CTBP2: variants seen among roughly 807,000 people sequenced by gnomAD.
CTBP2 encodes C-terminal binding protein 2.
A neutral mutation model predicts 80.3 loss-of-function variants in CTBP2; 30 were observed. The ratio of observed to expected loss-of-function variants is 0.37; its 90% CI spans 0.28 to 0.51. The LOEUF is 0.51. Among genes scored for constraint, CTBP2 ranks in the 20% least tolerant of loss-of-function variants. The pLI is 0.93. For synonymous variants in CTBP2, 594 were observed against 587.4 expected (o/e 1.01, Z -0.16); for missense variants, 1,212 against 1,375.3 (o/e 0.88, Z 1.88).
intron 1 of CTBP2, among the ~76,000 whole-genome samples, chr10:125,150,939 C>T (rs535764825): frequency 6.6e-6 from 1 of 150,534 alleles, no homozygotes; most frequent in Non-Finnish European, 1.5e-5. Context: ...CAGACACCTG[C>T]CTTGAGATCG....
chr10:125,110,400 C>A (rs1265989394), intron 2 of CTBP2, among the ~76,000 whole-genome samples: 9 of 152,220 alleles, frequency 5.9e-5, no homozygotes, highest in African/African-American at 2.2e-4. Flanking sequence ...CAGGATTGAA[C>A]TCCATCCATC....
At chr10:125,147,661 G>A (rs999553509) in intron 1 of CTBP2, among the ~76,000 whole-genome samples, 2 of 151,186 alleles carry the variant, frequency 1.3e-5, no homozygotes. Flanking sequence ...CTTTTGGGAG[G>A]CCAAGGAGGG....
intron 2 of CTBP2, among the ~76,000 whole-genome samples, chr10:125,062,408 C>CT (rs1348647640): frequency 6.6e-6 from 1 of 151,874 alleles, no homozygotes; most frequent in Non-Finnish European, 1.5e-5. Flanking sequence ...AGGACATCTG[C>CT]TTTTTTAAGT....
At chr10:125,047,756 G>A (rs1961631540) in intron 2 of CTBP2, among the ~76,000 whole-genome samples, 1 of 152,162 alleles carries the variant, frequency 6.6e-6, no homozygotes, top group Non-Finnish European at 1.5e-5. Context: ...ATGAGATAAT[G>A]TTAAACATTG....
chr10:125,002,934 G>A, intron 3 of CTBP2, 26 bp downstream of exon 5: 1 of 1,610,612 alleles, frequency 6.2e-7, no homozygotes. Context: ...GACAACTCCA[G>A]GCAGCCAGCG....
chr10:125,034,461 T>A (rs1392725483), intron 3 of CTBP2, among the ~76,000 whole-genome samples: 1 of 152,276 alleles, frequency 6.6e-6, no homozygotes, highest in African/African-American at 2.4e-5. Flanking sequence ...TCTAGTTGAC[T>A]ATTGTATATT....
At chr10:125,038,910 T>TGGCACAGCCAACTCAAGGGAGC in intron 3 of CTBP2, 87 bp downstream of exon 3, 1 of 1,319,212 alleles carries the variant, frequency 7.6e-7, no homozygotes, top group Non-Finnish European at 1.1e-6. Flanking sequence ...GCTTGGGGAG[T>TGGCACAGCCAACTCAAGGGAGC]GGCACAGCCA....
intron 2 of CTBP2, among the ~76,000 whole-genome samples, chr10:125,056,173 A>AAT (rs1257665597): frequency 3.5e-4 from 52 of 149,376 alleles, no homozygotes; most frequent in Non-Finnish European, 6.4e-4. Context: ...TCAAAAATAA[A>AAT]AATAATAATA....
chr10:125,025,270 CTA>C (rs1304601990), intron 1 of CTBP2, among the ~76,000 whole-genome samples: 10 of 152,184 alleles, frequency 6.6e-5, no homozygotes, highest in Non-Finnish European at 1.3e-4. Flanking sequence ...GGTCAAGACT[CTA>C]GAGTTAAAAT....
chr10:124,987,601 C>G lies in CTBP2; in HGVS notation c.*1917G>C, dbSNP rs1449105779. ...AGACGTTAAACTACCTTTTTGTTCC[C>G]TGGGGTAATAGGTCAGTAACTATGA... On this transcript the variant is annotated 3_prime_UTR_variant, in exon 9 of 9. Coordinates refer to ENST00000309035, the MANE Select transcript of CTBP2 (RefSeq NM_022802.3). The G allele has an allele frequency of 6.6e-6, 1 of 152,032 alleles. No homozygotes were observed. The highest frequency in any genetic ancestry group is 2.4e-5 in the African/African-American group (1 of 41,388). 9.4% of individuals were successfully genotyped at this position (152,032 alleles called of 1,614,324 possible).
chr10:125,042,821 G>A (rs1554883554), intron 2 of CTBP2, among the ~76,000 whole-genome samples: 2 of 152,208 alleles, frequency 1.3e-5, no homozygotes, highest in Non-Finnish European at 2.9e-5. Flanking sequence ...AAACCTCAGT[G>A]AAGGTCAAGG....
At chr10:125,110,454 AC>A (rs1852116803) in intron 2 of CTBP2, among the ~76,000 whole-genome samples, 1 of 152,160 alleles carries the variant, frequency 6.6e-6, no homozygotes, top group Admixed American at 6.5e-5. Flanking sequence ...GCCTGCACCC[AC>A]ATTCCCAATC....
chr10:124,993,432 T>C lies in CTBP2; in HGVS notation c.2532-103A>G, dbSNP rs878889309. 8 of 1,258,506 alleles carry C rather than the reference T, an allele frequency of 6.4e-6. No homozygotes were observed. The South Asian group carries it at 6.6e-5, about 10-fold the overall frequency. The allele number at this position is 1,258,506 out of a possible 1,614,324, so 78.0% of individuals were successfully genotyped here. A position where few individuals can be genotyped will look rare whatever the true frequency, so the allele number is the denominator to read the frequency against. On this transcript the variant is annotated intron_variant, in intron 6 of 8. Transcript: ENST00000309035. ...TTGGCCATGTAGAAAAGTAGCTACATAGATAGCATGGATACAGGAACATCT... is the reference window on the plus strand; with the variant it reads ...TTGGCCATGTAGAAAAGTAGCTACACAGATAGCATGGATACAGGAACATCT...
intron 1 of CTBP2, among the ~76,000 whole-genome samples, chr10:125,147,135 G>A (rs974732755): frequency 3.3e-5 from 5 of 152,204 alleles, no homozygotes; most frequent in African/African-American, 1.2e-4. Flanking sequence ...TGATGATGAC[G>A]TGTGCACAGA....
At chr10:125,011,245 T>C (rs1955859469) in intron 1 of CTBP2, among the ~76,000 whole-genome samples, 1 of 152,214 alleles carries the variant, frequency 6.6e-6, no homozygotes, top group African/African-American at 2.4e-5. Context: ...CAAAGTCAGC[T>C]GGAGGTTTGG....
intron 1 of CTBP2, among the ~76,000 whole-genome samples, chr10:125,146,447 AT>A (rs1210651836): frequency 3.4e-5 from 4 of 117,714 alleles, no homozygotes; most frequent in Non-Finnish European, 5.0e-5. Flanking sequence ...CGCATGGCTA[AT>A]TTTTTGTATT....
At chr10:124,994,927 T>C (rs2134136110) in intron 4 of CTBP2, among the ~76,000 whole-genome samples, 1 of 152,378 alleles carries the variant, frequency 6.6e-6, no homozygotes, top group African/African-American at 2.4e-5. Flanking sequence ...GCAGGATTTT[T>C]GTTAAAAACA....
chr10:125,152,600 A>C (rs1276005056), intron 1 of CTBP2, among the ~76,000 whole-genome samples: 1 of 152,016 alleles, frequency 6.6e-6, no homozygotes, highest in Non-Finnish European at 1.5e-5. Flanking sequence ...ATGACTGTGA[A>C]ATGTTTTTAA....
chr10:125,092,845 G>A (rs1022059286), intron 2 of CTBP2, among the ~76,000 whole-genome samples: 2 of 152,148 alleles, frequency 1.3e-5, no homozygotes, highest in East Asian at 1.9e-4. Context: ...ACATGAGAGC[G>A]ACACCCAGTG....
Sources: gnomAD v4.1 joint callset for allele counts (sites outside exome capture counted in the v4.1 genomes callset) on GRCh38, gnomAD v4.1.1 for gene constraint, MANE v1.5 for transcripts, NCBI Gene and HGNC (gene_info 2026-07-23, HGNC 2026-07-21) for gene names.